Variants in PPDPFL observed in about 807,000 individuals in gnomAD.
PPDPFL encodes the protein pancreatic progenitor cell differentiation and proliferation factor like.
A neutral mutation model predicts 12.6 loss-of-function variants in PPDPFL; 12 were observed. The ratio of observed to expected loss-of-function variants is 0.95; its 90% CI spans 0.61 to 1.54. The LOEUF (loss-of-function observed/expected upper bound fraction) is 1.54, where lower values mean the gene tolerates loss of function less well. Among genes scored for constraint, PPDPFL ranks in the 40% most tolerant of loss-of-function variants. The pLI is 0.00. For missense variants in PPDPFL, 114 were observed against 96.0 expected (o/e 1.19, Z -0.78); for synonymous variants, 24 against 32.7 (o/e 0.73, Z 0.91).
At chr8:49,054,956 G>C (rs140455712) in intron 1 of PPDPFL, among the ~76,000 whole-genome samples, 90 of 152,154 alleles carry the variant, frequency 5.9e-4, no homozygotes, top group African/African-American at 2.0e-3. Flanking sequence ...TCTATTTTCC[G>C]TGTGTGCTTT....
chr8:49,070,182 A>G (rs1043233834), upstream of PPDPFL, among the ~76,000 whole-genome samples: 1 of 152,172 alleles, frequency 6.6e-6, no homozygotes, highest in African/African-American at 2.4e-5. Context: ...TAAAAGTGGG[A>G]GTTAAATAAT....
intron 2 of PPDPFL, among the ~76,000 whole-genome samples, chr8:49,073,568 C>A (rs1808431321): frequency 6.6e-6 from 1 of 152,154 alleles, no homozygotes; most frequent in Non-Finnish European, 1.5e-5. Flanking sequence ...TGTTATTTAT[C>A]CACAGGAGTT....
chr8:49,069,271 T>C (rs1162089451), upstream of PPDPFL, among the ~76,000 whole-genome samples: 1 of 152,206 alleles, frequency 6.6e-6, no homozygotes, highest in East Asian at 1.9e-4. Flanking sequence ...CATTGGTAAG[T>C]ATAAGAATTA....
chr8:49,074,230 A>C lies in PPDPFL; in HGVS notation c.134-4A>C. ...TAAGGAGTAACATGAATTTTATTTA[A>C]TAGGGTTGCCTGAAGTGGCAGAATC... is the stretch of plus-strand genomic sequence containing the variant. On this transcript the variant is annotated splice_polypyrimidine_tract_variant and splice_region_variant and intron_variant, in intron 3 of 4. Transcript: ENST00000522267. The C allele has an allele frequency of 1.2e-6, 2 of 1,613,344 alleles. No homozygotes were observed. The highest frequency in any genetic ancestry group is 1.3e-5 in the African/African-American group (1 of 75,026).
chr8:49,073,038 C>G (rs1268939073), intron 2 of PPDPFL, among the ~76,000 whole-genome samples, 153 bp downstream of exon 2: 2 of 152,236 alleles, frequency 1.3e-5, no homozygotes, highest in Non-Finnish European at 2.9e-5. Context: ...AGGGACTTCT[C>G]TGATCCAGTG....
intron 1 of PPDPFL, among the ~76,000 whole-genome samples, chr8:49,058,911 T>A (rs1808152906): frequency 6.6e-6 from 1 of 152,206 alleles, no homozygotes; most frequent in Non-Finnish European, 1.5e-5. Context: ...TAAAATTATC[T>A]CCACCAATTG....
intron 1 of PPDPFL, among the ~76,000 whole-genome samples, chr8:49,063,146 C>A (rs1367156773): frequency 6.6e-6 from 1 of 152,112 alleles, no homozygotes; most frequent in Non-Finnish European, 1.5e-5. Context: ...GTATAGGAGC[C>A]CTGACCCAGG....
upstream of PPDPFL, among the ~76,000 whole-genome samples, chr8:49,068,190 G>T (rs1172153952): frequency 1.3e-5 from 2 of 152,174 alleles, no homozygotes; most frequent in African/African-American, 4.8e-5. Flanking sequence ...AAGCTGAAAT[G>T]AATAGAGGTA....
At chr8:49,065,909 T>C (rs773286652) in intron 1 of PPDPFL, among the ~76,000 whole-genome samples, 23 of 152,212 alleles carry the variant, frequency 1.5e-4, no homozygotes, top group Non-Finnish European at 2.9e-4. Context: ...TAATCTCTTA[T>C]AACAATAAGA....
chr8:49,074,959 C>T (rs1042004295), intron 4 of PPDPFL, 193 bp from the exon 5 acceptor site: 41 of 1,367,860 alleles, frequency 3.0e-5, no homozygotes, highest in Non-Finnish European at 3.9e-5. Context: ...GATGAATTTC[C>T]TATCTAAGAC....
chr8:49,068,301 A>C (rs1808330207), upstream of PPDPFL, among the ~76,000 whole-genome samples: 1 of 152,212 alleles, frequency 6.6e-6, no homozygotes, highest in Non-Finnish European at 1.5e-5. Flanking sequence ...AACTAGGGTC[A>C]GGTGAGAGTG....
chr8:49,065,572 G>T (rs909062035), intron 1 of PPDPFL, among the ~76,000 whole-genome samples: 6 of 152,202 alleles, frequency 3.9e-5, no homozygotes, highest in Non-Finnish European at 8.8e-5. Context: ...ATACAGATAT[G>T]AATCAGGAAA....
In PPDPFL at chr8:49,075,381, A is replaced by G. The variant is rs1215622236; in HGVS notation, c.*208A>G. 14 of 1,037,498 alleles carry G rather than the reference A, an allele frequency of 1.3e-5. No homozygotes were observed. In the East Asian group the frequency reaches 1.4e-4, roughly 11 times the overall value. 64.3% of individuals were successfully genotyped at this position (1,037,498 alleles called of 1,614,324 possible). ...GTGTCTGAGATCTCATTTATGAGAC[A>G]AGATCACAGCAGCCACTGATATAAA... On this transcript the variant is annotated 3_prime_UTR_variant, in exon 5 of 5. Coordinates refer to ENST00000522267, the MANE Select transcript of PPDPFL (RefSeq NM_001256597.2).
In PPDPFL at chr8:49,063,088, T is replaced by G. The variant is rs1808239144; in HGVS notation, c.-45+8719T>G. Among the ~76,000 whole-genome samples, 4 of 152,328 alleles carry G rather than the reference T, an allele frequency of 2.6e-5. No homozygotes were observed. In the South Asian group the frequency reaches 8.3e-4, roughly 32 times the overall value. ...AACAAAAGAACTATGTTGAAATAGA[T>G]TCTCAGGGGTCAGAAATGTCATCAT... is the stretch of plus-strand genomic sequence containing the variant. On this transcript the variant is annotated intron_variant, in intron 1 of 4. Coordinates refer to the PPDPFL transcript ENST00000517663.
At chr8:49,074,923 T>C in intron 4 of PPDPFL, 2 of 1,382,600 alleles carry the variant, frequency 1.4e-6, no homozygotes, top group Non-Finnish European at 9.5e-7. Flanking sequence ...GATTCATAGA[T>C]GCCAATGTTG....
chr8:49,071,913 TTGACCGTGGGACTC>T (rs1388621137), upstream of PPDPFL, among the ~76,000 whole-genome samples: 2 of 152,214 alleles, frequency 1.3e-5, no homozygotes, highest in Non-Finnish European at 2.9e-5. Context: ...TTGCTCCGCT[TTGACCGTGGGACTC>T]TGCCTTGCCT....
chr8:49,068,122 A>C (rs1808328184), upstream of PPDPFL, among the ~76,000 whole-genome samples: 1 of 152,190 alleles, frequency 6.6e-6, no homozygotes. Flanking sequence ...CATTAGTTTT[A>C]TTACATTTTT....
chr8:49,074,560 T>C (rs1444628482), intron 4 of PPDPFL: 1 of 1,536,102 alleles, frequency 6.5e-7, no homozygotes, highest in Non-Finnish European at 8.7e-7. Flanking sequence ...CACTCAAGAG[T>C]GGTGGAGAAG....
chr8:49,068,195 G>C (rs117051522), upstream of PPDPFL, among the ~76,000 whole-genome samples: 9 of 152,304 alleles, frequency 5.9e-5, no homozygotes, highest in East Asian at 1.7e-3. Context: ...GAAATGAATA[G>C]AGGTACCTCC....
Sources: allele counts gnomAD v4.1 joint callset (sites outside exome capture counted in the v4.1 genomes callset), GRCh38; gene constraint gnomAD v4.1.1; transcripts MANE v1.5; gene names NCBI Gene and HGNC (gene_info 2026-07-23, HGNC 2026-07-21).